Variants in CLASP1 observed in about 807,000 individuals in gnomAD.
The protein encoded by CLASP1 is cytoplasmic linker associated protein 1, also known as CLIP-associating protein 1.
CLASP1 carries 38 observed loss-of-function variants against 192.3 expected under a neutral mutation model. The ratio of observed to expected loss-of-function variants is 0.20; its 90% CI spans 0.15 to 0.26. The LOEUF is 0.26. Among genes scored for constraint, CLASP1 ranks in the 10% least tolerant of loss-of-function variants. The pLI, the probability that CLASP1 is intolerant of heterozygous loss-of-function variation, is 1.00. For missense variants in CLASP1, 1,433 were observed against 1,932.5 expected, an observed-to-expected ratio of 0.74 and a Z score of 4.85; for synonymous variants, 691 against 712.8, an observed-to-expected ratio of 0.97 and a Z score of 0.49.
rs373454323 is a variant in CLASP1, at chr2:121,379,637, T to C, written c.3492-1988A>G. Among the ~76,000 whole-genome samples, 15 of 151,998 alleles carry C rather than the reference T, an allele frequency of 9.9e-5. No individual in the cohort carries two copies. The East Asian group carries it at 2.3e-3, about 23-fold the overall frequency. On this transcript the variant is annotated intron_variant, in intron 33 of 39. Transcript: ENST00000263710. ...CAACCAAAAATAACAGCATAGCCCA[T>C]GCAAAAGAAAAAAAATCCAAAAAAC...
intron 12 of CLASP1, 65 bp from the exon 13 acceptor site, chr2:121,459,040 A>C (rs1004025033): frequency 2.4e-6 from 3 of 1,227,210 alleles, no homozygotes; most frequent in Admixed American, 5.0e-5. Flanking sequence ...CATATAAACC[A>C]CTTAACATCT....
chr2:121,646,520 C>G (rs2073202470), intron 1 of CLASP1, among the ~76,000 whole-genome samples: 1 of 152,208 alleles, frequency 6.6e-6, no homozygotes, highest in South Asian at 2.1e-4. Context: ...CCAAAAATGA[C>G]AGTTTCAGTA....
At chr2:121,564,388 T>A (rs1169889689) in intron 2 of CLASP1, among the ~76,000 whole-genome samples, 1 of 152,126 alleles carries the variant, frequency 6.6e-6, no homozygotes, top group Non-Finnish European at 1.5e-5. Context: ...ATGGTTTGAG[T>A]TCTATAATTA....
intron 19 of CLASP1, chr2:121,444,845 T>C (rs746278932): frequency 7.3e-5 from 54 of 743,536 alleles, no homozygotes; most frequent in Non-Finnish European, 1.1e-4. Context: ...TGCAGGGACC[T>C]TGGTGAGGAC....
intron 4 of CLASP1, among the ~76,000 whole-genome samples, 160 bp downstream of exon 4, chr2:121,528,517 T>C (rs2094642587): frequency 6.6e-6 from 1 of 152,234 alleles, no homozygotes. Flanking sequence ...TTAAATATCT[T>C]GCATGGGGAA....
intron 2 of CLASP1, among the ~76,000 whole-genome samples, chr2:121,561,656 G>C (rs567953758): frequency 1.5e-4 from 23 of 152,336 alleles, no homozygotes; most frequent in Non-Finnish European, 2.6e-4. Flanking sequence ...AATTTGTGTA[G>C]GACCACATTC....
intron 2 of CLASP1, among the ~76,000 whole-genome samples, chr2:121,540,381 C>T (rs2095203905): frequency 6.6e-6 from 1 of 152,200 alleles, no homozygotes. Context: ...GTGGTGTCTA[C>T]AGTCCCAGCT....
intron 19 of CLASP1, among the ~76,000 whole-genome samples, chr2:121,444,520 A>G (rs986946546): frequency 6.6e-6 from 1 of 152,222 alleles, no homozygotes; most frequent in Non-Finnish European, 1.5e-5. Flanking sequence ...TACTTTCAAA[A>G]CAGAAAGGCA....
rs77822095 is a variant in CLASP1 at position 121,541,062 on chromosome 2, G to A, written c.196-10737C>T. On this transcript the variant is annotated intron_variant, in intron 2 of 39. Coordinates refer to ENST00000263710, the Ensembl canonical transcript of CLASP1. ...TAAGTTTTAAAAATTAGAGCAGTGG[G>A]AGTGATGCTGACCACTAGACCTATA... Among the ~76,000 whole-genome samples the A allele has an allele frequency of 7.3e-3, 1,114 of 152,274 alleles. 7 individuals are homozygous for A. The highest frequency in any genetic ancestry group is 0.013 in the Non-Finnish European group (879 of 68,022).
intron 2 of CLASP1, among the ~76,000 whole-genome samples, chr2:121,554,315 C>A (rs909596173): frequency 2.0e-5 from 3 of 151,918 alleles, no homozygotes; most frequent in African/African-American, 4.8e-5. Context: ...ATGTGAAGTA[C>A]GATAAATCAG....
At chr2:121,625,427 ATTTT>A (rs397868546) in intron 1 of CLASP1, among the ~76,000 whole-genome samples, 376 of 95,766 alleles carry the variant, frequency 3.9e-3, no homozygotes, top group African/African-American at 0.012. Flanking sequence ...TCTTTCTTTC[ATTTT>A]TTTTTTTTTT....
intron 2 of CLASP1, among the ~76,000 whole-genome samples, chr2:121,581,884 CAAAAA>C (rs1483478295): frequency 6.7e-6 from 1 of 150,126 alleles, no homozygotes. Flanking sequence ...GATACTGTCT[CAAAAA>C]AGAAAAGAAA....
At chr2:121,350,960 G>A (rs766001520) in intron 37 of CLASP1, among the ~76,000 whole-genome samples, 2 of 152,176 alleles carry the variant, frequency 1.3e-5, no homozygotes, top group Non-Finnish European at 2.9e-5. Context: ...TATAACCTTT[G>A]TAGCAAGGAA....
chr2:121,387,793 G>C, exon 31 of CLASP1: 1 of 1,613,936 alleles, frequency 6.2e-7, no homozygotes, highest in East Asian at 2.2e-5. Flanking sequence ...TCTTGAGGTG[G>C]TTGTGCAGGA....
At chr2:121,349,727 G>C (rs1460725644) in intron 37 of CLASP1, among the ~76,000 whole-genome samples, 1 of 152,148 alleles carries the variant, frequency 6.6e-6, no homozygotes, top group Non-Finnish European at 1.5e-5. Flanking sequence ...CATTTTTAGG[G>C]AGGTACATGA....
intron 2 of CLASP1, chr2:121,530,534 T>C (rs2094750587): frequency 9.1e-6 from 5 of 548,726 alleles, no homozygotes; most frequent in East Asian, 2.9e-5. Context: ...AAATACTCGG[T>C]GAGGAGAAAC....
At chr2:121,376,751 G>C (rs560974806) in intron 34 of CLASP1, among the ~76,000 whole-genome samples, 1 of 152,246 alleles carries the variant, frequency 6.6e-6, no homozygotes, top group Admixed American at 6.5e-5. Flanking sequence ...TCACATTACT[G>C]CCTGAGCTGT....
At chr2:121,585,490 C>T (rs2061614140) in intron 2 of CLASP1, among the ~76,000 whole-genome samples, 1 of 152,124 alleles carries the variant, frequency 6.6e-6, no homozygotes, top group South Asian at 2.1e-4. Flanking sequence ...CCAGCGTTCC[C>T]ATTTCTAGGA....
chr2:121,478,689 A>C (rs1462327671), intron 8 of CLASP1, among the ~76,000 whole-genome samples: 33 of 66,760 alleles, frequency 4.9e-4, no homozygotes, highest in Middle Eastern at 0.011. Flanking sequence ...CACACACCCC[A>C]CACACACAAC....
Sources: gnomAD v4.1 joint callset for allele counts (sites outside exome capture counted in the v4.1 genomes callset) on GRCh38, gnomAD v4.1.1 for gene constraint, MANE v1.5 for transcripts, NCBI Gene and HGNC (gene_info 2026-07-23, HGNC 2026-07-21) for gene names.